CTNNA2: variants seen among roughly 807,000 people sequenced by gnomAD.
CTNNA2 encodes the protein catenin alpha 2, also known as catenin alpha-2.
In CTNNA2, 42 loss-of-function variants were observed where a neutral mutation model predicts 101.0. The observed-to-expected ratio is 0.42, with a 90% CI of 0.32 to 0.54. The LOEUF is 0.54. CTNNA2 is among the 20% of genes least tolerant of loss of function. The pLI is 0.14. For missense variants in CTNNA2, 871 were observed against 1,223.1 expected, an observed-to-expected ratio of 0.71 and a Z score of 4.29; for synonymous variants, 450 against 456.4, an observed-to-expected ratio of 0.99 and a Z score of 0.18.
At chr2:80,441,456 A>G (rs1334442260) in intron 9 of CTNNA2, among the ~76,000 whole-genome samples, 3 of 152,198 alleles carry the variant, frequency 2.0e-5, no homozygotes, top group African/African-American at 7.2e-5. Context: ...TGTTGACAGT[A>G]TACTCAATAT....
chr2:80,469,207 T>A (rs1685094438), intron 9 of CTNNA2, among the ~76,000 whole-genome samples: 1 of 152,192 alleles, frequency 6.6e-6, no homozygotes, highest in South Asian at 2.1e-4. Flanking sequence ...TTTGCTAACA[T>A]CTTGAGACTG....
In CTNNA2 at chr2:79,551,070, C is replaced by T. The variant is rs550090676; in HGVS notation, c.-6+37863C>T. ...AAAAATTTGCAGCTTGTTCTTATAG[C>T]TGTGTCTGTTTTAATATTTTCTACT... On this transcript the variant is annotated intron_variant, in intron 1 of 18. Coordinates refer to ENST00000402739, the MANE Select transcript of CTNNA2 (RefSeq NM_001282597.3). Among the ~76,000 whole-genome samples, 45 of 152,270 alleles carry T rather than the reference C, an allele frequency of 3.0e-4. No individual in the cohort carries two copies. The South Asian group carries it at 3.5e-3, about 12-fold the overall frequency.
At chr2:79,616,804 T>C (rs562889360) in intron 1 of CTNNA2, among the ~76,000 whole-genome samples, 3 of 152,338 alleles carry the variant, frequency 2.0e-5, no homozygotes, top group East Asian at 1.9e-4. Context: ...TTTAGGTTAG[T>C]GGTTATTTCC....
rs191742876 is a variant in CTNNA2 at position 79,220,053 on chromosome 2, T to A, written c.-406+21977T>A. ...GATTCACTCTGCATTTTTGTTAGAG[T>A]TTTGTTGTAAATTCTAGTATATTTT... On this transcript the variant is annotated intron_variant, in intron 2 of 21. Transcript: ENST00000466387. 2.6e-4 allele frequency among the ~76,000 whole-genome samples: 40 copies of A among 152,234 alleles called. No individual in the cohort carries two copies. The East Asian group carries it at 7.4e-3, about 28-fold the overall frequency.
intron 2 of CTNNA2, among the ~76,000 whole-genome samples, chr2:79,686,957 T>G (rs977330150): frequency 2.6e-5 from 4 of 152,176 alleles, no homozygotes; most frequent in South Asian, 2.1e-4. Flanking sequence ...GAAATGCTTC[T>G]GTTAGCATAA....
intron 3 of CTNNA2, among the ~76,000 whole-genome samples, chr2:79,788,122 G>A (rs1000409449): frequency 6.6e-6 from 1 of 152,140 alleles, no homozygotes. Context: ...TCTCTTTTGT[G>A]CCAAGGAGTT....
intron 8 of CTNNA2, among the ~76,000 whole-genome samples, chr2:80,412,280 G>A (rs915825664): frequency 1.3e-5 from 2 of 152,226 alleles, no homozygotes; most frequent in African/African-American, 4.8e-5. Flanking sequence ...CTAAGTACCT[G>A]TTACTGTCCT....
chr2:80,597,736 C>A (rs1234655620), intron 15 of CTNNA2, among the ~76,000 whole-genome samples: 1 of 152,148 alleles, frequency 6.6e-6, no homozygotes, highest in Non-Finnish European at 1.5e-5. Context: ...CATCACTGAT[C>A]ATTAGAGAAA....
intron 3 of CTNNA2, among the ~76,000 whole-genome samples, chr2:79,856,067 T>G (rs1267143418): frequency 2.0e-5 from 3 of 152,230 alleles, no homozygotes; most frequent in Non-Finnish European, 2.9e-5. Context: ...TCTTGAAAAT[T>G]CATCATTGTG....
intron 9 of CTNNA2, among the ~76,000 whole-genome samples, chr2:80,437,796 C>T (rs754035564): frequency 7.2e-5 from 11 of 152,212 alleles, no homozygotes; most frequent in Admixed American, 2.0e-4. Flanking sequence ...GTCAGGAGTT[C>T]GAGACCAGCC....
chr2:79,984,863 T>C (rs1691652312), intron 7 of CTNNA2, among the ~76,000 whole-genome samples: 1 of 152,148 alleles, frequency 6.6e-6, no homozygotes, highest in African/African-American at 2.4e-5. Context: ...TTAAAAATCC[T>C]AGGAGGTTTC....
intron 3 of CTNNA2, among the ~76,000 whole-genome samples, chr2:79,818,643 G>T (rs1484487382): frequency 1.3e-5 from 2 of 151,538 alleles, no homozygotes; most frequent in Admixed American, 6.6e-5. Flanking sequence ...GACTGTTAAT[G>T]ATCTTCAGGT....
chr2:79,672,493 T>C (rs922546367), intron 2 of CTNNA2, among the ~76,000 whole-genome samples: 1 of 152,040 alleles, frequency 6.6e-6, no homozygotes, highest in Non-Finnish European at 1.5e-5. Flanking sequence ...AAGAAAAATT[T>C]CGTAATGGAA....
At position 79,234,310 on chromosome 2, in the gene CTNNA2, G is replaced by A. The variant is rs575986758; in HGVS notation, c.-406+36234G>A. ...TCTCTTATGAAGATTAGTTTGGTGA[G>A]GTATGATAGTCTTGGTTGAAATTCT... On this transcript the variant is annotated intron_variant, in intron 2 of 21. Transcript: ENST00000466387. 2.6e-3 allele frequency among the ~76,000 whole-genome samples: 403 copies of A among 152,154 alleles called. 3 individuals are homozygous for A. Among genetic ancestry groups the A allele is most frequent in the South Asian group, 0.012 (59 of 4,822 alleles).
At chr2:79,621,384 A>G (rs1187712176) in intron 1 of CTNNA2, among the ~76,000 whole-genome samples, 8 of 152,248 alleles carry the variant, frequency 5.3e-5, no homozygotes, top group Admixed American at 3.3e-4. Flanking sequence ...CACATCATCA[A>G]CCTAGAACAT....
chr2:79,286,567 T>C (rs1675593122), intron 2 of CTNNA2, among the ~76,000 whole-genome samples: 1 of 151,744 alleles, frequency 6.6e-6, no homozygotes, highest in African/African-American at 2.4e-5. Flanking sequence ...TCTTTAAGAA[T>C]GTTGAATATT....
intron 7 of CTNNA2, among the ~76,000 whole-genome samples, chr2:80,137,886 A>G (rs1702784357): frequency 6.6e-6 from 1 of 152,062 alleles, no homozygotes; most frequent in African/African-American, 2.4e-5. Flanking sequence ...CAGTTTCTCA[A>G]ACTGTTTTGC....
intron 2 of CTNNA2, among the ~76,000 whole-genome samples, chr2:79,209,903 G>T (rs1165332765): frequency 6.6e-6 from 1 of 151,950 alleles, no homozygotes; most frequent in Non-Finnish European, 1.5e-5. Context: ...CTACCTAGCT[G>T]CAGTAAGTTT....
At chr2:79,507,112 C>T (rs1002560695) in intron 5 of CTNNA2, among the ~76,000 whole-genome samples, 5 of 152,142 alleles carry the variant, frequency 3.3e-5, no homozygotes, top group East Asian at 3.9e-4. Flanking sequence ...TGACTAGTTT[C>T]GTGATTATGG....
Sources: allele counts gnomAD v4.1 joint callset (sites outside exome capture counted in the v4.1 genomes callset), GRCh38; gene constraint gnomAD v4.1.1; transcripts MANE v1.5; gene names NCBI Gene and HGNC (gene_info 2026-07-23, HGNC 2026-07-21).